The following NRG2 variants were observed in gnomAD, a reference collection of about 807,000 sequenced individuals.
NRG2 encodes neuregulin 2, also known as pro-neuregulin-2, membrane-bound isoform.
A neutral mutation model predicts 73.9 loss-of-function variants in NRG2; 27 were observed. The observed-to-expected ratio is 0.37, with a 90% confidence interval of 0.27 to 0.50. NRG2 has a LOEUF of 0.50. Among genes scored for constraint, NRG2 ranks in the 20% least tolerant of loss-of-function variants. The probability of loss-of-function intolerance (pLI) is 0.96; values close to 1 mark genes in which losing one functional copy is unlikely to be tolerated. For synonymous variants in NRG2, 532 were observed against 541.0 expected, an observed-to-expected ratio of 0.98 and a Z score of 0.23; for missense variants, 1,126 against 1,210.1, an observed-to-expected ratio of 0.93 and a Z score of 1.03.
At chr5:139,987,349 C>T (rs1366396344) in intron 1 of NRG2, among the ~76,000 whole-genome samples, 5 of 118,248 alleles carry the variant, frequency 4.2e-5, no homozygotes, top group African/African-American at 1.7e-4. Context: ...GCCTGGGTGA[C>T]AGAGCAAGAC....
intron 1 of NRG2, among the ~76,000 whole-genome samples, chr5:139,910,713 T>C (rs994565627): frequency 2.0e-5 from 3 of 152,162 alleles, no homozygotes; most frequent in Non-Finnish European, 4.4e-5. Context: ...CCTTTGCTCC[T>C]ATGGGACACA....
chr5:140,042,264 CGGACGCTG>C, intron 1 of NRG2, 98 bp downstream of exon 1: 1 of 359,956 alleles, frequency 2.8e-6, no homozygotes, highest in Non-Finnish European at 4.2e-6. Context: ...CCCCAGCGCC[CGGACGCTG>C]CCAGGCCCGG....
chr5:139,920,079 T>C (rs942361736), intron 1 of NRG2, among the ~76,000 whole-genome samples: 1 of 152,124 alleles, frequency 6.6e-6, no homozygotes, highest in African/African-American at 2.4e-5. Context: ...ACAGGGAGAA[T>C]AGCATATGCA....
intron 1 of NRG2, among the ~76,000 whole-genome samples, chr5:139,958,762 AC>A (rs760169268): frequency 1.1e-4 from 17 of 152,246 alleles, no homozygotes; most frequent in South Asian, 1.0e-3. Flanking sequence ...ATTTCCTGCC[AC>A]CCCTGTCCAC....
At chr5:139,987,144 G>T (rs1488744062) in intron 1 of NRG2, among the ~76,000 whole-genome samples, 1 of 151,834 alleles carries the variant, frequency 6.6e-6, no homozygotes, top group African/African-American at 2.4e-5. Context: ...GGCCGAGGCG[G>T]GCAGATTGCC....
chr5:139,979,680 G>C (rs1186153759), intron 1 of NRG2, among the ~76,000 whole-genome samples: 1 of 152,218 alleles, frequency 6.6e-6, no homozygotes, highest in African/African-American at 2.4e-5. Context: ...CCTCATGTGA[G>C]TGTGCTTGGA....
In NRG2 at chr5:139,848,309, G is replaced by C; in HGVS notation, c.2161C>G (p.Pro721Ala). 8.5e-7 allele frequency: 1 copy of C among 1,178,104 alleles called. No homozygotes were observed. The highest frequency in any genetic ancestry group is 1.6e-5 in the African/African-American group (1 of 62,026). The allele number at this position is 1,178,104 out of a possible 1,614,324, so 73.0% of individuals were successfully genotyped here. ...DEYETTQECA[P>A]PPPPRPRARG... ...GCGCGCGGCCGCGGCGGCGGCGGGG[G>C]CGCGCACTCCTGCGTGGTCTCGTAC... Residue 721 changes from proline to alanine, a missense_variant, in exon 10 of 10, where the codon CCC becomes GCC. Physicochemically the swap from Pro to Ala is conservative, Grantham distance 27. Around this residue, in one of 3 missense-constraint regions of NRG2, gnomAD observed 402 missense variants for 357.8 expected, o/e 1.12. Transcript: ENST00000361474.
At chr5:140,019,338 G>A (rs1285298143) in intron 1 of NRG2, among the ~76,000 whole-genome samples, 1 of 152,220 alleles carries the variant, frequency 6.6e-6, no homozygotes, top group Admixed American at 6.5e-5. Flanking sequence ...GACAGGGAAA[G>A]AAACCACAGA....
chr5:139,959,813 G>A (rs966416173), intron 1 of NRG2, among the ~76,000 whole-genome samples: 2 of 152,292 alleles, frequency 1.3e-5, no homozygotes, highest in Non-Finnish European at 2.9e-5. Context: ...GCGCCCAGCC[G>A]ATTTCCCTGT....
chr5:139,985,551 G>T (rs1447609526), intron 1 of NRG2, among the ~76,000 whole-genome samples: 1 of 152,114 alleles, frequency 6.6e-6, no homozygotes, highest in Non-Finnish European at 1.5e-5. Context: ...ATTCAGAACC[G>T]TTTGGGGTTA....
chr5:139,853,627 A>G lies in NRG2; in HGVS notation c.1293-600T>C, dbSNP rs1761616803. 6.6e-6 allele frequency among the ~76,000 whole-genome samples: 1 copy of G among 152,246 alleles called. No homozygotes were observed. The highest frequency in any genetic ancestry group is 6.5e-5 in the Admixed American group (1 of 15,292). ...AAACAGGTGCTGTGGCTAGGGAGTC[A>G]GGGCCTGTGGGACTACTTCAGATTG... On this transcript the variant is annotated intron_variant, in intron 6 of 9. Transcript: ENST00000361474. This position sits in a 1 kb window ranked among gnomAD's most constrained non-coding sequence, Gnocchi z 4.1.
chr5:139,886,972 C>G (rs1763910333), intron 2 of NRG2, among the ~76,000 whole-genome samples: 1 of 152,198 alleles, frequency 6.6e-6, no homozygotes, highest in Non-Finnish European at 1.5e-5. Flanking sequence ...GGGTCTTTCA[C>G]CAAAGATTGC....
chr5:140,043,031 T>C lies in NRG2; in HGVS notation c.39A>G (p.Pro13=). 1 of 1,536,732 alleles carries C rather than the reference T, an allele frequency of 6.5e-7. No homozygotes were observed. ...QVCCSALPPP[P]LEKGRCSSYS... ...AGCTGCTGCACCGACCCTTCTCCAGTGGCGGCGGCGGCAGCGCTGAGCAGC... is the reference window on the plus strand; with the variant it reads ...AGCTGCTGCACCGACCCTTCTCCAGCGGCGGCGGCGGCAGCGCTGAGCAGC... The change falls in exon 1 of 10, where the codon CCA becomes CCG. Residue 13 remains proline, a synonymous_variant. Coordinates refer to ENST00000361474, the MANE Select transcript of NRG2 (RefSeq NM_004883.3). This position sits in a 1 kb window ranked among gnomAD's most constrained non-coding sequence, Gnocchi z 6.7.
At chr5:139,967,937 C>T (rs1755663026) in intron 1 of NRG2, among the ~76,000 whole-genome samples, 1 of 151,230 alleles carries the variant, frequency 6.6e-6, no homozygotes, top group South Asian at 2.1e-4. Flanking sequence ...CCAGCCTGGG[C>T]AACAGAGCTA....
intron 1 of NRG2, among the ~76,000 whole-genome samples, chr5:139,951,308 C>A (rs2126464445): frequency 6.6e-6 from 1 of 152,356 alleles, no homozygotes; most frequent in East Asian, 1.9e-4. Context: ...CTATGTCTCT[C>A]TTTGGCTACT....
In NRG2 at chr5:139,848,711, C is replaced by A; in HGVS notation, c.1773-14G>T. ...GCCGACACGTACCTGCGGGGAGAGG[C>A]AGAGGCATGGGCCAGGGCCAGGCCG... On this transcript the variant is annotated splice_polypyrimidine_tract_variant and intron_variant, in intron 9 of 9. Coordinates refer to ENST00000361474, the MANE Select transcript of NRG2 (RefSeq NM_004883.3). 1 of 1,282,918 alleles carries A rather than the reference C, an allele frequency of 7.8e-7. No homozygotes were observed. The highest frequency in any genetic ancestry group is 1.0e-6 in the Non-Finnish European group (1 of 1,000,152). The allele number at this position is 1,282,918 out of a possible 1,614,324, so 79.5% of individuals were successfully genotyped here. A position where few individuals can be genotyped will look rare whatever the true frequency, so the allele number is the denominator to read the frequency against.
chr5:139,963,897 C>T (rs531315429), intron 1 of NRG2, among the ~76,000 whole-genome samples: 21 of 152,326 alleles, frequency 1.4e-4, no homozygotes, highest in African/African-American at 4.8e-4. Flanking sequence ...CATCCAGTAA[C>T]TTGTCTTTGT....
At chr5:140,024,256 A>ATT (rs34481367) in intron 1 of NRG2, among the ~76,000 whole-genome samples, 1,591 of 143,816 alleles carry the variant, frequency 0.011, 21 homozygotes, top group African/African-American at 0.038. Context: ...GAGTAAAACA[A>ATT]TTTTTTTTTT....
At chr5:140,007,885 G>A (rs1383482075) in intron 1 of NRG2, among the ~76,000 whole-genome samples, 2 of 152,170 alleles carry the variant, frequency 1.3e-5, no homozygotes, top group African/African-American at 4.8e-5. Context: ...TAACAGATCA[G>A]GAAACCAAGT....
Sources: gnomAD v4.1 joint callset for allele counts (sites outside exome capture counted in the v4.1 genomes callset) on GRCh38, gnomAD v4.1.1 for gene constraint, gnomAD v4.1.1 regional missense constraint, Gnocchi (gnomAD v3.1) non-coding constraint, MANE v1.5 for transcripts, NCBI Gene and HGNC (gene_info 2026-07-23, HGNC 2026-07-21) for gene names.